Variants in DIP2C observed in about 807,000 individuals in gnomAD.
DIP2C encodes DIP2 acetate--CoA ligase C (putative).
DIP2C carries 33 observed loss-of-function variants against 192.4 expected under a neutral mutation model. The observed-to-expected ratio is 0.17, with a 90% confidence interval of 0.13 to 0.23. The LOEUF is 0.23. Among genes scored for constraint, DIP2C ranks in the 10% least tolerant of loss-of-function variants. The pLI is 1.00. For missense variants in DIP2C, 1,537 were observed against 2,110.1 expected, an observed-to-expected ratio of 0.73 and a Z score of 5.32; for synonymous variants, 979 against 864.1, an observed-to-expected ratio of 1.13 and a Z score of -2.33.
intron 1 of DIP2C, among the ~76,000 whole-genome samples, chr10:600,377 C>T (rs1489371454): frequency 6.6e-6 from 1 of 150,436 alleles, no homozygotes; most frequent in Non-Finnish European, 1.5e-5. Context: ...GTCCCAAAGC[C>T]TGAATGTGGG....
intron 1 of DIP2C, among the ~76,000 whole-genome samples, chr10:683,876 G>A (rs981810349): frequency 6.6e-6 from 1 of 152,228 alleles, no homozygotes; most frequent in African/African-American, 2.4e-5. Flanking sequence ...GCAGCTGGGA[G>A]GAGGAAGACA....
intron 31 of DIP2C, among the ~76,000 whole-genome samples, chr10:318,949 G>A (rs977295002): frequency 4.7e-5 from 7 of 147,868 alleles, no homozygotes; most frequent in East Asian, 2.0e-4. Context: ...TGTTTGCTCC[G>A]TCACCCAGAC....
At chr10:284,759 C>A (rs1436812453) in intron 34 of DIP2C, among the ~76,000 whole-genome samples, 1 of 152,138 alleles carries the variant, frequency 6.6e-6, no homozygotes, top group African/African-American at 2.4e-5. Context: ...CACACACACA[C>A]AATGTGAGCT....
In DIP2C at chr10:536,868, G is replaced by A. The variant is rs577385570; in HGVS notation, c.86-50338C>T. ...ACCATCTTCTTGACCCCCCAGTTCT[G>A]TGTTCTACTTGAGTATCTCAAAGTT... On this transcript the variant is annotated intron_variant, in intron 1 of 36. Coordinates refer to ENST00000280886, the MANE Select transcript of DIP2C (RefSeq NM_014974.3). Among the ~76,000 whole-genome samples, 11 of 152,322 alleles carry A rather than the reference G, an allele frequency of 7.2e-5. No individual in the cohort carries two copies. In the East Asian group the frequency reaches 1.5e-3, roughly 21 times the overall value.
intron 1 of DIP2C, among the ~76,000 whole-genome samples, chr10:635,931 T>A (rs1588647689): frequency 6.6e-6 from 1 of 152,104 alleles, no homozygotes; most frequent in African/African-American, 2.4e-5. Context: ...TGACAGACGA[T>A]CATCGAGATA....
chr10:313,032 C>T (rs1302095364), intron 31 of DIP2C, among the ~76,000 whole-genome samples: 3 of 152,006 alleles, frequency 2.0e-5, no homozygotes, highest in African/African-American at 4.8e-5. Context: ...GCCAAGTAGG[C>T]CTAAGCATTA....
intron 1 of DIP2C, among the ~76,000 whole-genome samples, chr10:493,118 G>A (rs546274900): frequency 7.2e-4 from 110 of 152,354 alleles, no homozygotes; most frequent in Middle Eastern, 3.4e-3. Context: ...CAAGACTGGG[G>A]GCTCTGCACG....
chr10:344,105 C>T (rs1249203783), intron 28 of DIP2C, among the ~76,000 whole-genome samples: 3 of 152,208 alleles, frequency 2.0e-5, no homozygotes, highest in Admixed American at 6.5e-5. Context: ...GGCCATGAAA[C>T]GGTATGACTG....
At chr10:391,318 A>C (rs1198004803) in intron 10 of DIP2C, among the ~76,000 whole-genome samples, 4 of 151,656 alleles carry the variant, frequency 2.6e-5, no homozygotes, top group Non-Finnish European at 5.9e-5. Flanking sequence ...CGAAAGGCAC[A>C]CCTGTCATGG....
intron 1 of DIP2C, among the ~76,000 whole-genome samples, chr10:548,534 G>A (rs1471047585): frequency 1.3e-5 from 2 of 150,972 alleles, no homozygotes; most frequent in Admixed American, 1.3e-4. Flanking sequence ...AGGCAGGCAG[G>A]CAGGCAGGCA....
At chr10:583,702 C>T (rs1192458247) in intron 1 of DIP2C, among the ~76,000 whole-genome samples, 1 of 152,152 alleles carries the variant, frequency 6.6e-6, no homozygotes, top group Non-Finnish European at 1.5e-5. Context: ...AGTTCTGCCA[C>T]GGTCATCCTC....
chr10:506,286 A>G (rs1478825067), intron 1 of DIP2C, among the ~76,000 whole-genome samples: 4 of 152,156 alleles, frequency 2.6e-5, no homozygotes, highest in Non-Finnish European at 4.4e-5. Flanking sequence ...CCAAATGTGC[A>G]TAAGATTTAT....
chr10:584,562 T>G (rs1210442376), intron 1 of DIP2C, among the ~76,000 whole-genome samples: 2 of 107,958 alleles, frequency 1.9e-5, no homozygotes, highest in African/African-American at 7.4e-5. Flanking sequence ...CTCTCTAGTC[T>G]CGGGGCCCGC....
intron 1 of DIP2C, among the ~76,000 whole-genome samples, chr10:587,142 G>A (rs903425960): frequency 6.6e-6 from 1 of 150,962 alleles, no homozygotes; most frequent in Non-Finnish European, 1.5e-5. Flanking sequence ...CAGGGTCTAA[G>A]GCCGGACCAC....
intron 2 of DIP2C, among the ~76,000 whole-genome samples, chr10:474,543 C>T (rs571382620): frequency 1.4e-3 from 173 of 127,488 alleles, no homozygotes; most frequent in Non-Finnish European, 2.6e-3. Context: ...CACTGGGCCA[C>T]GCCTTTCTTC....
chr10:391,348 G>A (rs141983273), intron 10 of DIP2C, among the ~76,000 whole-genome samples: 135 of 152,346 alleles, frequency 8.9e-4, no homozygotes, highest in African/African-American at 2.8e-3. Flanking sequence ...AGGGCACCTC[G>A]GCCAGAGGAA....
chr10:528,113 G>A (rs1425050411), intron 1 of DIP2C, among the ~76,000 whole-genome samples: 1 of 152,124 alleles, frequency 6.6e-6, no homozygotes, highest in Non-Finnish European at 1.5e-5. Context: ...TCACCAGCCT[G>A]GAACATCCCC....
chr10:283,161 C>T (rs1056870105), intron 35 of DIP2C, 111 bp downstream of exon 35: 35 of 1,411,084 alleles, frequency 2.5e-5, no homozygotes, highest in Middle Eastern at 2.6e-4. Context: ...AGCTAGCACA[C>T]GTGCCCTCCT....
intron 1 of DIP2C, among the ~76,000 whole-genome samples, chr10:545,513 CACATA>C (rs2130920782): frequency 6.6e-6 from 1 of 152,252 alleles, no homozygotes; most frequent in Admixed American, 6.5e-5. Context: ...GTGCTGCACA[CACATA>C]AGAGAAACCC....
Sources: allele counts gnomAD v4.1 joint callset (sites outside exome capture counted in the v4.1 genomes callset), GRCh38; gene constraint gnomAD v4.1.1; transcripts MANE v1.5; gene names NCBI Gene and HGNC (gene_info 2026-07-23, HGNC 2026-07-21).